PRKG1: variants seen among roughly 807,000 people sequenced by gnomAD.
The protein encoded by PRKG1 is cGMP-dependent protein kinase 1.
In PRKG1, 35 loss-of-function variants were observed where a neutral mutation model predicts 88.1. That is an observed-to-expected ratio of 0.40 (90% CI 0.30 to 0.53). The LOEUF is 0.53. Ranked by LOEUF, PRKG1 falls within the 20% of genes least tolerant of loss-of-function variation. The pLI is 0.59. For synonymous variants in PRKG1, 303 were observed against 292.5 expected, an observed-to-expected ratio of 1.04 and a Z score of -0.37; for missense variants, 540 against 839.8, an observed-to-expected ratio of 0.64 and a Z score of 4.41.
chr10:51,701,185 C>T (rs1841456556), intron 3 of PRKG1, among the ~76,000 whole-genome samples: 2 of 152,066 alleles, frequency 1.3e-5, no homozygotes, highest in Non-Finnish European at 2.9e-5. Flanking sequence ...GGATAGATTG[C>T]ATTATACTTC....
intron 9 of PRKG1, among the ~76,000 whole-genome samples, chr10:52,166,072 G>A (rs1838427185): frequency 3.9e-5 from 6 of 152,174 alleles, no homozygotes; most frequent in Admixed American, 3.9e-4. Flanking sequence ...TCCACTGAGG[G>A]CTTCTCTTTT....
At position 51,599,523 on chromosome 10, in the gene PRKG1, T is replaced by C. The variant is rs180769769; in HGVS notation, c.592+131687T>C. Among the ~76,000 whole-genome samples, 1,088 of 152,300 alleles carry C rather than the reference T, an allele frequency of 7.1e-3. 14 individuals carry two copies. The highest frequency in any genetic ancestry group is 0.025 in the African/African-American group (1,047 of 41,564). ...AATCAAATTATTAGTATTGATTTAATTTTGGCCTTAATAATTATTATCAGA... is the reference window on the plus strand; with the variant it reads ...AATCAAATTATTAGTATTGATTTAACTTTGGCCTTAATAATTATTATCAGA... On this transcript the variant is annotated intron_variant, in intron 3 of 17. Coordinates refer to ENST00000373980, the MANE Select transcript of PRKG1 (RefSeq NM_006258.4).
intron 9 of PRKG1, among the ~76,000 whole-genome samples, chr10:52,214,660 C>A (rs1049571388): frequency 1.3e-5 from 2 of 152,090 alleles, no homozygotes; most frequent in Admixed American, 1.3e-4. Flanking sequence ...CCCTATGAGA[C>A]TAGAGCATGA....
In PRKG1 at chr10:51,804,566, C is replaced by A. The variant is rs748880831; in HGVS notation, c.593-19C>A. On this transcript the variant is annotated intron_variant, in intron 3 of 17. Transcript: ENST00000373980. ...CTGATTAATTTTTCCCTGTTTGTTT[C>A]TCTTTTATTTTTCTCCAGCTCTTGT... 1.3e-6 allele frequency: 2 copies of A among 1,516,962 alleles called. No homozygotes were observed. Among genetic ancestry groups the A allele is most frequent in the Non-Finnish European group, 1.8e-6 (2 of 1,095,480 alleles). The allele number at this position is 1,516,962 out of a possible 1,614,324, so 94.0% of individuals were successfully genotyped here.
chr10:51,543,600 C>T (rs1284765324), intron 3 of PRKG1, among the ~76,000 whole-genome samples: 1 of 152,182 alleles, frequency 6.6e-6, no homozygotes, highest in Non-Finnish European at 1.5e-5. Flanking sequence ...GCAGCAGCCA[C>T]CAGTTGTGCA....
intron 3 of PRKG1, among the ~76,000 whole-genome samples, chr10:51,600,577 C>T (rs1012701989): frequency 1.1e-4 from 16 of 152,124 alleles, no homozygotes; most frequent in Admixed American, 2.0e-4. Context: ...ATTTTAATAA[C>T]GTGCTATCTC....
chr10:51,496,092 A>G (rs1023802517), intron 3 of PRKG1, among the ~76,000 whole-genome samples: 10 of 152,214 alleles, frequency 6.6e-5, no homozygotes, highest in Non-Finnish European at 5.9e-5. Context: ...GCAAACAAAG[A>G]GTACATATTT....
At chr10:52,279,490 C>T (rs1030884269) in intron 12 of PRKG1, among the ~76,000 whole-genome samples, 54 of 152,114 alleles carry the variant, frequency 3.5e-4, no homozygotes, top group Admixed American at 3.5e-3. Flanking sequence ...AGTGAAAACT[C>T]AAGTGATATT....
At chr10:52,194,146 A>AC (rs1303293197) in intron 9 of PRKG1, among the ~76,000 whole-genome samples, 1 of 152,042 alleles carries the variant, frequency 6.6e-6, no homozygotes, top group East Asian at 1.9e-4. Context: ...AAAACAAAAC[A>AC]CCCCCAAGAC....
At chr10:52,275,398 G>C (rs188281165) in intron 12 of PRKG1, among the ~76,000 whole-genome samples, 6 of 152,216 alleles carry the variant, frequency 3.9e-5, no homozygotes, top group African/African-American at 1.4e-4. Context: ...TTTCCTACCT[G>C]TGGCTAGCCA....
intron 7 of PRKG1, among the ~76,000 whole-genome samples, chr10:52,090,056 A>G (rs1292755812): frequency 6.6e-6 from 1 of 151,762 alleles, no homozygotes; most frequent in African/African-American, 2.4e-5. Flanking sequence ...CTCGTGATCC[A>G]CCTGCCTTGC....
intron 3 of PRKG1, among the ~76,000 whole-genome samples, chr10:51,525,350 T>C (rs1841853419): frequency 6.6e-6 from 1 of 152,348 alleles, no homozygotes; most frequent in Admixed American, 6.5e-5. Context: ...AAGTAGGCTC[T>C]AAATGTTAAG....
chr10:51,496,855 T>C (rs565356070), intron 3 of PRKG1, among the ~76,000 whole-genome samples: 2 of 152,342 alleles, frequency 1.3e-5, no homozygotes, highest in East Asian at 3.9e-4. Flanking sequence ...AGTTGTCTTG[T>C]CATAACAAAT....
intron 2 of PRKG1, among the ~76,000 whole-genome samples, chr10:51,204,174 T>G (rs1302553805): frequency 6.6e-6 from 1 of 152,230 alleles, no homozygotes; most frequent in African/African-American, 2.4e-5. Flanking sequence ...CTCTGGATTC[T>G]ATTATTGTTA....
chr10:51,863,701 C>CA (rs1840944212), intron 4 of PRKG1, among the ~76,000 whole-genome samples: 3 of 152,182 alleles, frequency 2.0e-5, no homozygotes, highest in African/African-American at 4.8e-5. Context: ...AGAAGGCCCT[C>CA]ACTAAATTTG....
At chr10:51,423,355 A>G (rs1838473882) in intron 2 of PRKG1, among the ~76,000 whole-genome samples, 1 of 152,304 alleles carries the variant, frequency 6.6e-6, no homozygotes, top group East Asian at 1.9e-4. Context: ...ACAACCTACC[A>G]TCTTTCTAAT....
intron 4 of PRKG1, among the ~76,000 whole-genome samples, chr10:51,838,478 G>A (rs969055475): frequency 6.6e-6 from 1 of 152,178 alleles, no homozygotes; most frequent in East Asian, 1.9e-4. Context: ...CAGAGTTTCC[G>A]AAAGGAAGTG....
chr10:51,619,827 G>T (rs919044660), intron 3 of PRKG1, among the ~76,000 whole-genome samples: 3 of 152,018 alleles, frequency 2.0e-5, no homozygotes, highest in Non-Finnish European at 2.9e-5. Context: ...CCTTATTTTT[G>T]ATGTTTCCAA....
chr10:52,267,196 A>G (rs887170652), intron 10 of PRKG1, among the ~76,000 whole-genome samples: 6 of 152,046 alleles, frequency 3.9e-5, no homozygotes, highest in Non-Finnish European at 8.8e-5. Flanking sequence ...TTATAATAAA[A>G]CCTAGTATCT....
Sources: allele counts gnomAD v4.1 joint callset (sites outside exome capture counted in the v4.1 genomes callset), GRCh38; gene constraint gnomAD v4.1.1; transcripts MANE v1.5; gene names NCBI Gene and HGNC (gene_info 2026-07-23, HGNC 2026-07-21).